Variants in NHSL2 observed in about 807,000 individuals in gnomAD.
NHSL2 encodes the protein NHS like 2.
In NHSL2, 27 loss-of-function variants were observed where a neutral mutation model predicts 53.4. The ratio of observed to expected loss-of-function variants is 0.51; its 90% CI spans 0.37 to 0.70. NHSL2 has a LOEUF of 0.70. Among genes scored for constraint, NHSL2 ranks in the 30% least tolerant of loss-of-function variants. The pLI, the probability that NHSL2 is intolerant of heterozygous loss-of-function variation, is 0.00. For missense variants in NHSL2, 892 were observed against 980.1 expected, an observed-to-expected ratio of 0.91 and a Z score of 1.20; for synonymous variants, 408 against 404.1, an observed-to-expected ratio of 1.01 and a Z score of -0.12.
At chrX:71,954,151 G>A (rs2041832605) in intron 1 of NHSL2, among the ~76,000 whole-genome samples, 2 of 112,247 alleles carry the variant, frequency 1.8e-5, no homozygotes, top group Admixed American at 9.4e-5. Context: ...GGCATCTGGC[G>A]TTTATCTAGT....
intron 1 of NHSL2, chrX:72,027,395 G>A (rs1349136289): frequency 2.7e-5 from 3 of 111,553 alleles, no homozygotes; most frequent in African/African-American, 6.5e-5. Flanking sequence ...CCTCCAAAGC[G>A]GAGACTATGT....
At chrX:72,090,008 A>G (rs2041882789) in intron 1 of NHSL2, among the ~76,000 whole-genome samples, 1 of 111,323 alleles carries the variant, frequency 9.0e-6, no homozygotes, top group Non-Finnish European at 1.9e-5. Flanking sequence ...ATATGCCTGC[A>G]TGTGTGTTTG....
At chrX:72,019,876 A>G (rs768034796) in intron 1 of NHSL2, among the ~76,000 whole-genome samples, 16 of 112,058 alleles carry the variant, frequency 1.4e-4, no homozygotes, top group African/African-American at 4.9e-4. Flanking sequence ...TCAGAGCCTG[A>G]CCAGTGCTGG....
intron 1 of NHSL2, among the ~76,000 whole-genome samples, chrX:71,968,116 C>A (rs1160813341): frequency 9.1e-6 from 1 of 109,304 alleles, no homozygotes; most frequent in Non-Finnish European, 1.9e-5. Context: ...CCTGCCTCAG[C>A]CTCCCTAGTA....
intron 1 of NHSL2, among the ~76,000 whole-genome samples, chrX:71,919,636 C>T (rs762310017): frequency 2.5e-4 from 28 of 111,771 alleles, no homozygotes; most frequent in African/African-American, 8.5e-4. Context: ...TTTTCCTTTC[C>T]TCTGACTCCT....
chrX:72,039,572 A>G (rs1242597250), intron 1 of NHSL2, among the ~76,000 whole-genome samples: 1 of 111,896 alleles, frequency 8.9e-6, no homozygotes, highest in African/African-American at 3.3e-5. Context: ...GGTAAGGTCC[A>G]TTAACCACAA....
chrX:72,000,110 G>A (rs12006999), intron 1 of NHSL2, among the ~76,000 whole-genome samples: 11,034 of 111,449 alleles, frequency 0.099, 610 homozygotes, highest in African/African-American at 0.18. Context: ...ATACGTTTGT[G>A]CATTTTTTTT....
rs1353407315 is a variant in NHSL2 at position 72,143,824 on chromosome X, T to G, written c.*250T>G. 3 of 260,858 alleles carry G rather than the reference T, an allele frequency of 1.2e-5. No individual in the cohort carries two copies. Among genetic ancestry groups the G allele is most frequent in the Non-Finnish European group, 6.8e-6 (1 of 147,571 alleles). The allele number at this position is 260,858 out of a possible 1,213,427, so 21.5% of individuals were successfully genotyped here. On this transcript the variant is annotated 3_prime_UTR_variant, in exon 8 of 8. Transcript: ENST00000633930. ...ACTGACTACCGAGTTTCTTCTTATT[T>G]TCCCCCAGTGGTGTGCACTAACTAA...
intron 1 of NHSL2, among the ~76,000 whole-genome samples, chrX:72,028,823 C>T (rs1030321736): frequency 8.9e-6 from 1 of 112,751 alleles, no homozygotes; most frequent in African/African-American, 3.2e-5. Flanking sequence ...AGGGGTGGCC[C>T]AGGCCTTCTT....
intron 1 of NHSL2, among the ~76,000 whole-genome samples, chrX:72,034,489 T>C (rs1422524086): frequency 2.7e-5 from 3 of 112,039 alleles, no homozygotes; most frequent in Non-Finnish European, 5.6e-5. Context: ...TGTAAGAGAC[T>C]GTGTAAAATT....
intron 1 of NHSL2, among the ~76,000 whole-genome samples, chrX:71,976,530 T>C (rs1390288883): frequency 2.7e-5 from 3 of 111,997 alleles, no homozygotes; most frequent in Non-Finnish European, 5.6e-5. Flanking sequence ...TTCAAGACCC[T>C]CTTGATCTGG....
chrX:72,074,035 A>G, intron 1 of NHSL2, among the ~76,000 whole-genome samples: 1 of 112,405 alleles, frequency 8.9e-6, no homozygotes, highest in East Asian at 2.8e-4. Context: ...GGTAATAAGA[A>G]AGTAGAGGAT....
intron 1 of NHSL2, among the ~76,000 whole-genome samples, chrX:72,051,347 G>A (rs918960300): frequency 8.9e-6 from 1 of 112,307 alleles, no homozygotes; most frequent in Non-Finnish European, 1.9e-5. Context: ...TCAGTTGTAT[G>A]TACCTAGAAA....
chrX:72,138,434 C>A lies in NHSL2; in HGVS notation c.893-7C>A. 8.9e-7 allele frequency: 1 copy of A among 1,126,245 alleles called. No homozygotes were observed. Among genetic ancestry groups the A allele is most frequent in the Non-Finnish European group, 1.2e-6 (1 of 847,621 alleles). 92.8% of individuals were successfully genotyped at this position (1,126,245 alleles called of 1,213,427 possible). On this transcript the variant is annotated splice_polypyrimidine_tract_variant and splice_region_variant and intron_variant, in intron 5 of 7. Transcript: ENST00000633930. The stretch of plus-strand genomic sequence containing the variant: ...TAGCACTCATGTCCTGTGTTTATTT[C>A]CTCCAGGTCACAGCAACAGCCCAGC...
At chrX:72,031,773 G>A (rs2042216446) in intron 1 of NHSL2, among the ~76,000 whole-genome samples, 1 of 109,880 alleles carries the variant, frequency 9.1e-6, no homozygotes, top group South Asian at 3.8e-4. Context: ...GACATGTTAG[G>A]AAATAAATAT....
rs368588014 is a variant in NHSL2, at chrX:72,140,600, C to A, written c.3052C>A (p.Pro1018Thr). 3 of 1,211,978 alleles carry A rather than the reference C, an allele frequency of 2.5e-6. No individual in the cohort carries two copies. Among genetic ancestry groups the A allele is most frequent in the Non-Finnish European group, 3.4e-6 (3 of 895,375 alleles). ...PSVLYLPLTS[P>T]TAQMEAYVAE... ...CGTGCTGTACCTGCCTCTCACTTCT[C>A]CCACAGCTCAAATGGAGGCCTATGT... Residue 1018 changes from proline to threonine, a missense_variant, in exon 6 of 8, where the codon CCC becomes ACC. Physicochemically the swap from Pro to Thr is conservative, Grantham distance 38. Transcript: ENST00000633930.
intron 2 of NHSL2, among the ~76,000 whole-genome samples, chrX:72,132,748 T>A (rs1254370327): frequency 9.0e-6 from 1 of 111,572 alleles, no homozygotes; most frequent in Non-Finnish European, 1.9e-5. Flanking sequence ...TTGTCCCCCC[T>A]AACCAAGCCT....
At chrX:72,067,061 T>G in intron 1 of NHSL2, among the ~76,000 whole-genome samples, 1 of 111,521 alleles carries the variant, frequency 9.0e-6, no homozygotes. Flanking sequence ...GAGGATCACT[T>G]GAGCCCAGGA....
At chrX:72,079,160 A>G (rs1602350883) in intron 1 of NHSL2, among the ~76,000 whole-genome samples, 2 of 112,875 alleles carry the variant, frequency 1.8e-5, no homozygotes, top group African/African-American at 3.2e-5. Flanking sequence ...GTAATGAAGA[A>G]CAAAGAAGTC....
Sources: gnomAD v4.1 joint callset for allele counts (sites outside exome capture counted in the v4.1 genomes callset) on GRCh38, gnomAD v4.1.1 for gene constraint, MANE v1.5 for transcripts, NCBI Gene and HGNC (gene_info 2026-07-23, HGNC 2026-07-21) for gene names.